C12orf42: variants seen among roughly 807,000 people sequenced by gnomAD.
The protein encoded by C12orf42 is uncharacterized protein C12orf42.
A neutral mutation model predicts 21.6 loss-of-function variants in C12orf42; 25 were observed. The ratio of observed to expected loss-of-function variants is 1.16; its 90% CI spans 0.84 to 1.62. C12orf42 has a LOEUF of 1.62. Among genes scored for constraint, C12orf42 ranks in the 40% most tolerant of loss-of-function variants. The pLI is 0.00. For missense variants in C12orf42, 483 were observed against 459.3 expected, an observed-to-expected ratio of 1.05 and a Z score of -0.47; for synonymous variants, 174 against 175.0, an observed-to-expected ratio of 0.99 and a Z score of 0.05.
At chr12:103,543,226 C>A in the C12orf42 span, among the ~76,000 whole-genome samples, 1 of 152,096 alleles carries the variant, frequency 6.6e-6, no homozygotes, top group Non-Finnish European at 1.5e-5. Context: ...GGAGAAGAGG[C>A]CAGAGAAAAA....
At chr12:103,235,725 T>C (rs189625785), downstream of C12orf42, among the ~76,000 whole-genome samples, 44 of 152,276 alleles carry the variant, frequency 2.9e-4, no homozygotes, top group Admixed American at 2.5e-3. Context: ...GCAAAGTTTC[T>C]AGAGCAGTGC....
chr12:103,563,639 T>C, the C12orf42 span, among the ~76,000 whole-genome samples: 1 of 152,146 alleles, frequency 6.6e-6, no homozygotes, highest in African/African-American at 2.4e-5. Flanking sequence ...ACTATTGGGG[T>C]GACTCACCTC....
At chr12:103,323,499 A>C (rs1443587532) in intron 4 of C12orf42, among the ~76,000 whole-genome samples, 1 of 152,244 alleles carries the variant, frequency 6.6e-6, no homozygotes, top group Non-Finnish European at 1.5e-5. Flanking sequence ...AATACAGTTT[A>C]GCAACAGGAA....
chr12:103,403,843 C>T (rs944854435), intron 2 of C12orf42, among the ~76,000 whole-genome samples: 4 of 152,204 alleles, frequency 2.6e-5, no homozygotes, highest in African/African-American at 9.7e-5. Context: ...CAGCACGAAG[C>T]ACTGAATGCT....
At chr12:103,405,596 G>A (rs2048366772) in intron 2 of C12orf42, among the ~76,000 whole-genome samples, 1 of 152,128 alleles carries the variant, frequency 6.6e-6, no homozygotes, top group South Asian at 2.1e-4. Flanking sequence ...GGCACTCGAG[G>A]GTTAGTAACC....
At chr12:103,309,023 C>T (rs74636978) in intron 4 of C12orf42, among the ~76,000 whole-genome samples, 21 of 152,290 alleles carry the variant, frequency 1.4e-4, no homozygotes, top group African/African-American at 2.6e-4. Flanking sequence ...AAAAAGCCAA[C>T]GCTGCTGGTA....
rs149802180 is a variant in C12orf42, at chr12:103,370,340, A to G, written c.148-1342T>C. Among the ~76,000 whole-genome samples the G allele has an allele frequency of 4.0e-3, 602 of 152,316 alleles. 2 individuals carry two copies. Among genetic ancestry groups the G allele is most frequent in the African/African-American group, 0.012 (500 of 41,578 alleles). On this transcript the variant is annotated intron_variant, in intron 3 of 5. Transcript: ENST00000548883. ...GGCACTTTCTCAAAGAACTTAAAAT[A>G]GAATTATCATTTGATCCAGCAATCA...
chr12:103,314,322 C>T (rs1424382650), intron 4 of C12orf42, among the ~76,000 whole-genome samples: 1 of 152,130 alleles, frequency 6.6e-6, no homozygotes, highest in Admixed American at 6.5e-5. Context: ...ATTTAGAAGG[C>T]AGCCGGCAGT....
chr12:103,200,833 T>C, the C12orf42 span, among the ~76,000 whole-genome samples: 1 of 152,216 alleles, frequency 6.6e-6, no homozygotes, highest in Non-Finnish European at 1.5e-5. Flanking sequence ...ATCATTATAA[T>C]TAGGCTCAAA....
In C12orf42 at chr12:103,302,563, GAAGGC is replaced by G; in HGVS notation, c.632-9_632-5del. 1 of 1,601,352 alleles carries G rather than the reference GAAGGC, an allele frequency of 6.2e-7. No individual in the cohort carries two copies. Among genetic ancestry groups the G allele is most frequent in the Non-Finnish European group, 8.5e-7 (1 of 1,175,026 alleles). ...GTGGAAGGTCTGGCGGCAGAACCTG[GAAGGC>G]AAAGCAGGAAAGCAGGACAGAGATG... On this transcript the variant is annotated splice_region_variant and splice_polypyrimidine_tract_variant and intron_variant, in intron 5 of 5. Transcript: ENST00000548883.
In C12orf42 at chr12:103,282,981, T is replaced by C. The variant is rs1452443272; in HGVS notation, n.338-5771A>G. On this transcript the variant is annotated intron_variant and non_coding_transcript_variant, in intron 4 of 6. Transcript: ENST00000546526. ...CATAGAAACTACTGTCAGAGGCAAA[T>C]GACACATGCACACACACACAAAGGG... Among the ~76,000 whole-genome samples, 6 of 152,176 alleles carry C rather than the reference T, an allele frequency of 3.9e-5. 1 individual carries two copies. The highest frequency in any genetic ancestry group is 2.6e-4 in the Admixed American group (4 of 15,286).
intron 2 of C12orf42, among the ~76,000 whole-genome samples, chr12:103,416,600 C>T (rs1017809726): frequency 2.7e-5 from 4 of 150,176 alleles, no homozygotes; most frequent in African/African-American, 7.3e-5. Context: ...CACATACATG[C>T]TACATTTATT....
At chr12:103,305,034 A>G (rs926338368) in intron 5 of C12orf42, among the ~76,000 whole-genome samples, 2 of 152,200 alleles carry the variant, frequency 1.3e-5, no homozygotes, top group Non-Finnish European at 2.9e-5. Flanking sequence ...GCCACATAGG[A>G]AGAAAAAAAT....
At position 103,302,365 on chromosome 12, in the gene C12orf42, C is replaced by G. The variant is rs745474050; in HGVS notation, c.826G>C (p.Gly276Arg). 5.0e-6 allele frequency: 8 copies of G among 1,613,838 alleles called. No individual in the cohort carries two copies. The highest frequency in any genetic ancestry group is 6.8e-6 in the Non-Finnish European group (8 of 1,179,884). The change falls in exon 6 of 6, where the codon GGC becomes CGC. Residue 276 changes from glycine (G) to arginine (R), a missense_variant. Transcript: ENST00000548883. Reference sequence around the variant, plus strand: ...ATCTCCGGCGCCATGGCAACCGCGCCTTTTCCGACGGGATTTCCGGACGCG... The same window carrying G: ...ATCTCCGGCGCCATGGCAACCGCGCGTTTTCCGACGGGATTTCCGGACGCG... ...LGASGNPVGK[G>R]AVAMAPEMLP... is the part of the protein sequence containing the mutation.
chr12:103,250,022 AAAT>A (rs1285359839), intron 10 of C12orf42, among the ~76,000 whole-genome samples: 1 of 152,060 alleles, frequency 6.6e-6, no homozygotes, highest in South Asian at 2.1e-4. Context: ...TAGTTGATGC[AAAT>A]AATATTTTTC....
intron 3 of C12orf42, among the ~76,000 whole-genome samples, chr12:103,396,100 TATAAC>T (rs1253734672): frequency 6.6e-6 from 1 of 151,318 alleles, no homozygotes; most frequent in Non-Finnish European, 1.5e-5. Context: ...TATAAATAGT[TATAAC>T]ATAATAGTTG....
the C12orf42 span, among the ~76,000 whole-genome samples, chr12:103,229,777 T>G: frequency 6.6e-6 from 1 of 152,248 alleles, no homozygotes; most frequent in African/African-American, 2.4e-5. Flanking sequence ...ACTTGACTTG[T>G]TTCTCTAACA....
chr12:103,092,960 TC>T, the C12orf42 span, among the ~76,000 whole-genome samples: 1 of 152,198 alleles, frequency 6.6e-6, no homozygotes, highest in Non-Finnish European at 1.5e-5. Context: ...CCACTTCCTG[TC>T]CACATCTCTG....
chr12:103,380,478 C>T (rs547673597), intron 3 of C12orf42, among the ~76,000 whole-genome samples: 6 of 152,008 alleles, frequency 3.9e-5, no homozygotes, highest in Admixed American at 2.6e-4. Context: ...CAAGTAATGT[C>T]GGTAAGTATC....
Sources: gnomAD v4.1 joint callset for allele counts (sites outside exome capture counted in the v4.1 genomes callset) on GRCh38, gnomAD v4.1.1 for gene constraint, MANE v1.5 for transcripts, NCBI Gene and HGNC (gene_info 2026-07-23, HGNC 2026-07-21) for gene names.